The following PRKCA variants were observed in gnomAD, a reference collection of about 807,000 sequenced individuals.
The protein encoded by PRKCA is protein kinase C alpha type.
PRKCA carries 27 observed loss-of-function variants against 87.0 expected under a neutral mutation model. The observed-to-expected ratio is 0.31, with a 90% CI of 0.23 to 0.43. The LOEUF (loss-of-function observed/expected upper bound fraction) is 0.43, where lower values mean the gene tolerates loss of function less well. PRKCA is among the 20% of genes least tolerant of loss of function. The probability of loss-of-function intolerance (pLI) is 1.00; values close to 1 mark genes in which losing one functional copy is unlikely to be tolerated. For missense variants in PRKCA, 518 were observed against 852.3 expected (o/e 0.61, Z 4.88); for synonymous variants, 329 against 311.1 (o/e 1.06, Z -0.61).
At chr17:66,431,344 A>G (rs1333927359) in intron 2 of PRKCA, among the ~76,000 whole-genome samples, 2 of 152,212 alleles carry the variant, frequency 1.3e-5, no homozygotes, top group African/African-American at 2.4e-5. Flanking sequence ...GTGCCGGACA[A>G]TAGTCATGGA....
intron 2 of PRKCA, among the ~76,000 whole-genome samples, chr17:66,489,294 G>A (rs1916114037): frequency 6.9e-6 from 1 of 144,074 alleles, no homozygotes; most frequent in Admixed American, 7.1e-5. Flanking sequence ...TGGACTTGAG[G>A]GTGAAAGGAA....
chr17:66,386,874 G>T (rs1910091446), intron 2 of PRKCA, among the ~76,000 whole-genome samples: 2 of 151,530 alleles, frequency 1.3e-5, no homozygotes, highest in African/African-American at 2.4e-5. Context: ...TTTACTCTTG[G>T]CCTTACTACG....
intron 14 of PRKCA, among the ~76,000 whole-genome samples, chr17:66,785,086 T>C (rs958689645): frequency 6.6e-6 from 1 of 152,138 alleles, no homozygotes; most frequent in African/African-American, 2.4e-5. Context: ...GACCAAAAAA[T>C]GTTGAGTGGT....
intron 2 of PRKCA, among the ~76,000 whole-genome samples, chr17:66,349,964 A>T (rs899035990): frequency 5.2e-5 from 6 of 114,876 alleles, no homozygotes; most frequent in African/African-American, 1.6e-4. Context: ...TACAGAGGTT[A>T]AAAAAAAAGT....
At chr17:66,782,738 C>T (rs1188294441) in intron 14 of PRKCA, among the ~76,000 whole-genome samples, 1 of 152,216 alleles carries the variant, frequency 6.6e-6, no homozygotes, top group Admixed American at 6.5e-5. Context: ...GTCTTCTTTA[C>T]ATGCTGGGTG....
intron 3 of PRKCA, among the ~76,000 whole-genome samples, chr17:66,547,277 T>C (rs1968171595): frequency 6.6e-6 from 1 of 152,216 alleles, no homozygotes; most frequent in African/African-American, 2.4e-5. Context: ...TTGCCTTCTT[T>C]GAATCACTCA....
intron 16 of PRKCA, chr17:66,797,099 C>A: frequency 1.4e-6 from 1 of 698,408 alleles, no homozygotes; most frequent in Non-Finnish European, 1.8e-6. Context: ...AGGTAAAGGG[C>A]AGGGGTGAGA....
At chr17:66,381,777 C>T (rs1463482761) in intron 2 of PRKCA, among the ~76,000 whole-genome samples, 22 of 152,114 alleles carry the variant, frequency 1.4e-4, no homozygotes, top group Non-Finnish European at 2.1e-4. Context: ...CTTCTTTTAC[C>T]ATCACTTTTT....
intron 2 of PRKCA, among the ~76,000 whole-genome samples, chr17:66,421,656 C>A (rs1254400548): frequency 6.6e-6 from 1 of 151,812 alleles, no homozygotes; most frequent in Non-Finnish European, 1.5e-5. Flanking sequence ...CCTCAGCCTC[C>A]CAGGTAGCTG....
intron 3 of PRKCA, among the ~76,000 whole-genome samples, chr17:66,502,873 A>T (rs1916803869): frequency 6.6e-6 from 1 of 151,410 alleles, no homozygotes; most frequent in South Asian, 2.1e-4. Context: ...GTTAGCCAGG[A>T]TGGCCTCGAT....
At chr17:66,531,417 C>T (rs538678729) in intron 3 of PRKCA, among the ~76,000 whole-genome samples, 1 of 152,296 alleles carries the variant, frequency 6.6e-6, no homozygotes, top group East Asian at 1.9e-4. Context: ...GGGGTGGGAG[C>T]CGGTGGCATC....
intron 2 of PRKCA, among the ~76,000 whole-genome samples, chr17:66,432,625 G>A (rs1415547189): frequency 2.0e-5 from 3 of 152,150 alleles, no homozygotes; most frequent in African/African-American, 7.2e-5. Context: ...GAGAACCTAG[G>A]CCTTGTCACT....
chr17:66,726,727 CTTT>C (rs770732800), intron 8 of PRKCA, among the ~76,000 whole-genome samples: 1 of 142,370 alleles, frequency 7.0e-6, no homozygotes, highest in African/African-American at 2.6e-5. Flanking sequence ...GGACCACTGT[CTTT>C]TTTTTTTTTT....
intron 2 of PRKCA, among the ~76,000 whole-genome samples, chr17:66,314,451 C>T (rs1206555716): frequency 1.3e-5 from 2 of 152,032 alleles, no homozygotes; most frequent in Non-Finnish European, 2.9e-5. Context: ...AGATTTCTAT[C>T]AAGGATGGAA....
At chr17:66,417,380 T>C (rs933039137) in intron 2 of PRKCA, among the ~76,000 whole-genome samples, 5 of 152,150 alleles carry the variant, frequency 3.3e-5, no homozygotes, top group Non-Finnish European at 5.9e-5. Context: ...GTGAAATCCC[T>C]AGCCAGGTGC....
At chr17:66,437,623 C>T (rs1310052378) in intron 2 of PRKCA, among the ~76,000 whole-genome samples, 1 of 151,712 alleles carries the variant, frequency 6.6e-6, no homozygotes, top group Non-Finnish European at 1.5e-5. Flanking sequence ...CTTGGCAGTC[C>T]CCCGAGCAGA....
intron 3 of PRKCA, among the ~76,000 whole-genome samples, chr17:66,612,822 C>T (rs1435166631): frequency 6.6e-6 from 1 of 151,532 alleles, no homozygotes; most frequent in African/African-American, 2.4e-5. Context: ...GGAAGAAAAC[C>T]TTTTTTCTCT....
chr17:66,358,190 C>T (rs182100549), intron 2 of PRKCA, among the ~76,000 whole-genome samples: 21 of 151,494 alleles, frequency 1.4e-4, no homozygotes, highest in Non-Finnish European at 2.7e-4. Flanking sequence ...AGTTTATTAG[C>T]GTTGGGATGG....
chr17:66,511,209 A>G (rs1917213339), intron 3 of PRKCA, among the ~76,000 whole-genome samples: 1 of 152,138 alleles, frequency 6.6e-6, no homozygotes, highest in Non-Finnish European at 1.5e-5. Context: ...AGCATGGGAT[A>G]TCAGTGTTTA....
Sources: allele counts gnomAD v4.1 joint callset (sites outside exome capture counted in the v4.1 genomes callset), GRCh38; gene constraint gnomAD v4.1.1; transcripts MANE v1.5; gene names NCBI Gene and HGNC (gene_info 2026-07-23, HGNC 2026-07-21).